Variants in GNG12 observed in about 807,000 individuals in gnomAD.
GNG12 encodes G protein subunit gamma 12.
For synonymous variants in GNG12, 28 were observed against 29.7 expected, an observed-to-expected ratio of 0.94 and a Z score of 0.19; for missense variants, 69 against 83.8, an observed-to-expected ratio of 0.82 and a Z score of 0.69.
chr1:67,782,369 A>G (rs1646742528), intron 1 of GNG12, among the ~76,000 whole-genome samples: 1 of 152,202 alleles, frequency 6.6e-6, no homozygotes. Context: ...ATTTTGCCCC[A>G]TTGTACAACG....
At chr1:67,715,635 C>A (rs764613996) in intron 2 of GNG12, among the ~76,000 whole-genome samples, 13 of 152,186 alleles carry the variant, frequency 8.5e-5, no homozygotes, top group Non-Finnish European at 1.8e-4. Flanking sequence ...CCCCACTGGG[C>A]ACCCGTGGGC....
intron 2 of GNG12, among the ~76,000 whole-genome samples, chr1:67,747,015 A>G (rs1338697826): frequency 6.6e-6 from 1 of 152,196 alleles, no homozygotes; most frequent in African/African-American, 2.4e-5. Context: ...GTGAGTTTCA[A>G]CTTAGTTACT....
intron 2 of GNG12, among the ~76,000 whole-genome samples, chr1:67,737,890 T>C (rs1373299783): frequency 6.6e-6 from 1 of 152,204 alleles, no homozygotes; most frequent in East Asian, 1.9e-4. Context: ...CTGCACACTT[T>C]GAACCTTTGC....
At chr1:67,830,315 A>G (rs1647035952) in intron 1 of GNG12, among the ~76,000 whole-genome samples, 2 of 152,208 alleles carry the variant, frequency 1.3e-5, no homozygotes, top group African/African-American at 4.8e-5. Flanking sequence ...AGATGAAGGC[A>G]TTTAAAAAAT....
chr1:67,724,140 T>C (rs1646372318), intron 2 of GNG12, among the ~76,000 whole-genome samples: 1 of 152,060 alleles, frequency 6.6e-6, no homozygotes, highest in African/African-American at 2.4e-5. Flanking sequence ...CACTGGAGCA[T>C]TTCCAGAAAC....
intron 1 of GNG12, among the ~76,000 whole-genome samples, chr1:67,810,455 G>A (rs576318885): frequency 1.3e-5 from 2 of 152,302 alleles, no homozygotes; most frequent in East Asian, 3.9e-4. Context: ...TACAATAAAT[G>A]TACCACTCTG....
chr1:67,754,716 GC>G (rs1326314244), intron 2 of GNG12, among the ~76,000 whole-genome samples: 2 of 152,202 alleles, frequency 1.3e-5, no homozygotes, highest in African/African-American at 2.4e-5. Context: ...GGAAGCCACA[GC>G]ACCTCCGTCT....
intron 2 of GNG12, among the ~76,000 whole-genome samples, chr1:67,740,704 G>A (rs1283028692): frequency 6.6e-6 from 1 of 152,180 alleles, no homozygotes; most frequent in African/African-American, 2.4e-5. Context: ...TAGATCATGA[G>A]GGTGGAGCCT....
chr1:67,770,409 C>A (rs955001219), intron 2 of GNG12, among the ~76,000 whole-genome samples: 2 of 152,186 alleles, frequency 1.3e-5, no homozygotes, highest in African/African-American at 2.4e-5. Context: ...CTGGCTAAAC[C>A]AGCAGGGTGG....
At chr1:67,773,959 C>A (rs1646689643) in intron 2 of GNG12, among the ~76,000 whole-genome samples, 1 of 152,186 alleles carries the variant, frequency 6.6e-6, no homozygotes, top group Non-Finnish European at 1.5e-5. Flanking sequence ...AAATGCACAC[C>A]TGAACCTAGA....
At chr1:67,817,083 C>G (rs1181296715) in intron 1 of GNG12, among the ~76,000 whole-genome samples, 4 of 152,110 alleles carry the variant, frequency 2.6e-5, no homozygotes, top group Non-Finnish European at 4.4e-5. Context: ...AAAAAAAGGC[C>G]ACTGAATTCA....
chr1:67,766,148 A>ACACACACACACC (rs756645057), intron 2 of GNG12, among the ~76,000 whole-genome samples: 17 of 133,790 alleles, frequency 1.3e-4, no homozygotes, highest in South Asian at 9.1e-4. Flanking sequence ...ACACACACAC[A>ACACACACACACC]CCCCTAAACA....
At chr1:67,731,419 G>A (rs1266212771) in intron 2 of GNG12, among the ~76,000 whole-genome samples, 2 of 152,238 alleles carry the variant, frequency 1.3e-5, no homozygotes, top group Non-Finnish European at 2.9e-5. Flanking sequence ...GAGAGATAAG[G>A]CCAAGGAGAG....
At chr1:67,727,359 T>C (rs1646392638) in intron 2 of GNG12, among the ~76,000 whole-genome samples, 1 of 152,218 alleles carries the variant, frequency 6.6e-6, no homozygotes, top group Non-Finnish European at 1.5e-5. Context: ...CACAAGTGTG[T>C]GAGATTCTTT....
chr1:67,791,567 C>G (rs560877134), intron 1 of GNG12, among the ~76,000 whole-genome samples: 1 of 152,258 alleles, frequency 6.6e-6, no homozygotes, highest in South Asian at 2.1e-4. Context: ...TTGTTCAAGT[C>G]AAAATCTTCA....
At chr1:67,833,019 G>A (rs1024966391) in intron 1 of GNG12, among the ~76,000 whole-genome samples, 1 of 151,986 alleles carries the variant, frequency 6.6e-6, no homozygotes, top group African/African-American at 2.4e-5. Context: ...CCTAGCCCCA[G>A]CCACAGCCGT....
intron 2 of GNG12, among the ~76,000 whole-genome samples, chr1:67,711,331 T>C (rs1469424577): frequency 6.6e-6 from 1 of 152,004 alleles, no homozygotes; most frequent in African/African-American, 2.4e-5. Context: ...AGGAAAACTG[T>C]ATTTAATTAT....
chr1:67,833,316 C>G (rs2100839161), intron 1 of GNG12, 28 bp downstream of exon 1: 2 of 922,890 alleles, frequency 2.2e-6, no homozygotes, highest in South Asian at 9.6e-5. Context: ...ACCCGACTCA[C>G]CACCCGCGCC....
chr1:67,765,156 A>G (rs1214660144), intron 2 of GNG12, among the ~76,000 whole-genome samples: 1 of 152,154 alleles, frequency 6.6e-6, no homozygotes, highest in African/African-American at 2.4e-5. Flanking sequence ...ACTTATAATA[A>G]TCTATAAAAT....
Sources: gnomAD v4.1 joint callset for allele counts (sites outside exome capture counted in the v4.1 genomes callset) on GRCh38, gnomAD v4.1.1 for gene constraint, MANE v1.5 for transcripts, NCBI Gene and HGNC (gene_info 2026-07-23, HGNC 2026-07-21) for gene names.